Variants in HS2ST1 observed in about 807,000 individuals in gnomAD.
HS2ST1 encodes 2-O-sulfotransferase.
A neutral mutation model predicts 42.9 loss-of-function variants in HS2ST1; 18 were observed. The observed-to-expected ratio is 0.42, with a 90% confidence interval of 0.29 to 0.62. HS2ST1 has a LOEUF of 0.62. Among genes scored for constraint, HS2ST1 ranks in the 20% least tolerant of loss-of-function variants. The probability of loss-of-function intolerance (pLI) is 0.21; values close to 1 mark genes in which losing one functional copy is unlikely to be tolerated. For missense variants in HS2ST1, 334 were observed against 433.8 expected (o/e 0.77, Z 2.04); for synonymous variants, 146 against 152.9 (o/e 0.95, Z 0.33).
intron 1 of HS2ST1, among the ~76,000 whole-genome samples, chr1:87,008,829 T>G (rs1200065697): frequency 6.6e-6 from 1 of 152,066 alleles, no homozygotes; most frequent in East Asian, 1.9e-4. Flanking sequence ...CAGAAGGAGT[T>G]GTGTTGTGTT....
chr1:87,007,096 T>A (rs1431358448), intron 1 of HS2ST1, among the ~76,000 whole-genome samples: 1 of 152,104 alleles, frequency 6.6e-6, no homozygotes, highest in Non-Finnish European at 1.5e-5. Context: ...CTGTATAGAT[T>A]ATACCTAAAT....
chr1:87,020,677 T>A (rs550736210), intron 1 of HS2ST1, among the ~76,000 whole-genome samples: 1 of 152,318 alleles, frequency 6.6e-6, no homozygotes, highest in Admixed American at 6.5e-5. Context: ...AGGGTTGATT[T>A]ATTTGAGGCC....
chr1:86,922,225 T>C (rs61800720), intron 1 of HS2ST1, among the ~76,000 whole-genome samples: 8,762 of 151,800 alleles, frequency 0.058, 364 homozygotes, highest in Non-Finnish European at 0.096. Flanking sequence ...GAATTTCATG[T>C]GTAGTATAAG....
chr1:86,914,893 G>C lies in HS2ST1; in HGVS notation c.-144G>C, dbSNP rs555607115. ...GGGAGGGGGACTGGAGAGGCGAGAA[G>C]GGGGGTCGCTGCGGTGGTTCTCTCG... On this transcript the variant is annotated 5_prime_UTR_variant, in exon 1 of 7. Transcript: ENST00000370550. 2.1e-5 allele frequency: 20 copies of C among 945,362 alleles called. No homozygotes were observed. The highest frequency in any genetic ancestry group is 1.4e-4 in the South Asian group (9 of 64,858). The allele number at this position is 945,362 out of a possible 1,614,324, so 58.6% of individuals were successfully genotyped here.
intron 3 of HS2ST1, among the ~76,000 whole-genome samples, chr1:87,089,848 T>C (rs1013915621): frequency 3.9e-5 from 6 of 152,068 alleles, no homozygotes; most frequent in Non-Finnish European, 7.4e-5. Context: ...TAAAATGCCA[T>C]ATTCCCTTTT....
intron 1 of HS2ST1, among the ~76,000 whole-genome samples, chr1:87,056,803 C>A (rs7554990): frequency 5.3e-4 from 81 of 152,210 alleles, no homozygotes; most frequent in African/African-American, 1.9e-3. Context: ...CAAAGTATAT[C>A]AATATAACAG....
intron 4 of HS2ST1, among the ~76,000 whole-genome samples, chr1:87,097,595 T>C (rs1309820085): frequency 6.6e-6 from 1 of 152,130 alleles, no homozygotes; most frequent in African/African-American, 2.4e-5. Context: ...GGTTTCACCA[T>C]GTTAACTAGG....
At chr1:87,004,021 T>G (rs991726297) in intron 1 of HS2ST1, among the ~76,000 whole-genome samples, 6 of 137,636 alleles carry the variant, frequency 4.4e-5, no homozygotes, top group Non-Finnish European at 6.2e-5. Flanking sequence ...TCTCAATATG[T>G]GGCTAAGGAA....
At chr1:86,963,906 C>T (rs906253130) in intron 1 of HS2ST1, among the ~76,000 whole-genome samples, 2 of 150,700 alleles carry the variant, frequency 1.3e-5, no homozygotes, top group African/African-American at 2.4e-5. Context: ...GGGCTGCCCC[C>T]CACCTCCCGG....
At chr1:87,034,599 C>T (rs1420912706) in intron 1 of HS2ST1, among the ~76,000 whole-genome samples, 1 of 152,148 alleles carries the variant, frequency 6.6e-6, no homozygotes, top group Non-Finnish European at 1.5e-5. Context: ...AAATCAGAAT[C>T]ACATTTTGAA....
At chr1:87,053,159 G>A (rs1650876345) in intron 1 of HS2ST1, among the ~76,000 whole-genome samples, 1 of 152,238 alleles carries the variant, frequency 6.6e-6, no homozygotes, top group African/African-American at 2.4e-5. Flanking sequence ...CCCAGCTGGA[G>A]TTGAATCCTA....
chr1:86,929,572 AAGAT>A (rs1230122583), intron 1 of HS2ST1, among the ~76,000 whole-genome samples: 1 of 151,894 alleles, frequency 6.6e-6, no homozygotes, highest in East Asian at 1.9e-4. Context: ...TGACAATTTA[AAGAT>A]AGATTTATAA....
At position 86,951,026 on chromosome 1, in the gene HS2ST1, A is replaced by G; in HGVS notation, c.124+35866A>G. Among the ~76,000 whole-genome samples, 2 of 152,208 alleles carry G rather than the reference A, an allele frequency of 1.3e-5. 1 individual carries two copies. ...TGTTCAGTTGGATTAGTAGGAAAGC[A>G]GGCATTTAAGGCAAGGAAACACATA... On this transcript the variant is annotated intron_variant, in intron 1 of 6. Coordinates refer to ENST00000370550, the MANE Select transcript of HS2ST1 (RefSeq NM_012262.4).
chr1:87,097,693 T>C, intron 4 of HS2ST1, 145 bp from the exon 5 acceptor site: 1 of 890,872 alleles, frequency 1.1e-6, no homozygotes, highest in Non-Finnish European at 1.7e-6. Flanking sequence ...TGCCCAACTG[T>C]GATTAATTTA....
chr1:86,957,434 G>C (rs574749648), intron 1 of HS2ST1, among the ~76,000 whole-genome samples: 1 of 152,318 alleles, frequency 6.6e-6, no homozygotes, highest in South Asian at 2.1e-4. Context: ...AAAATGTGTA[G>C]AATAAACACA....
intron 1 of HS2ST1, among the ~76,000 whole-genome samples, chr1:87,019,164 C>G (rs1324741053): frequency 6.6e-6 from 1 of 152,176 alleles, no homozygotes; most frequent in Admixed American, 6.5e-5. Context: ...AGTTAAAAAG[C>G]TCTCCCTGGA....
At chr1:87,036,561 G>A (rs367706682) in intron 1 of HS2ST1, among the ~76,000 whole-genome samples, 2 of 152,134 alleles carry the variant, frequency 1.3e-5, no homozygotes, top group Admixed American at 6.6e-5. Context: ...AGAAAACATG[G>A]ACTAGGTTAT....
At chr1:87,087,175 T>G (rs1651835775) in intron 3 of HS2ST1, among the ~76,000 whole-genome samples, 2 of 152,110 alleles carry the variant, frequency 1.3e-5, no homozygotes, top group Non-Finnish European at 2.9e-5. Context: ...ATTTTGATTT[T>G]CTTCAAACTT....
At chr1:87,102,808 TCAAG>T (rs1652248313) in intron 5 of HS2ST1, among the ~76,000 whole-genome samples, 1 of 152,178 alleles carries the variant, frequency 6.6e-6, no homozygotes, top group Non-Finnish European at 1.5e-5. Flanking sequence ...AGCCACCAGC[TCAAG>T]ATCATACTGC....
Sources: allele counts gnomAD v4.1 joint callset (sites outside exome capture counted in the v4.1 genomes callset), GRCh38; gene constraint gnomAD v4.1.1; transcripts MANE v1.5; gene names NCBI Gene and HGNC (gene_info 2026-07-23, HGNC 2026-07-21).